Variants in ASTN2 observed in about 807,000 individuals in gnomAD.
ASTN2 encodes astrotactin-2.
Under a neutral mutation model 139.8 loss-of-function variants are expected in ASTN2, and 54 were observed. That is an observed-to-expected ratio of 0.39 (90% CI 0.31 to 0.48). The LOEUF is 0.48. Among genes scored for constraint, ASTN2 ranks in the 20% least tolerant of loss-of-function variants. The probability of loss-of-function intolerance (pLI) is 0.95; values close to 1 mark genes in which losing one functional copy is unlikely to be tolerated. For synonymous variants in ASTN2, 756 were observed against 719.5 expected (o/e 1.05, Z -0.81); for missense variants, 1,565 against 1,725.1 (o/e 0.91, Z 1.64).
At chr9:117,401,979 C>T (rs999439001) in intron 1 of ASTN2, among the ~76,000 whole-genome samples, 2 of 152,092 alleles carry the variant, frequency 1.3e-5, no homozygotes, top group African/African-American at 2.4e-5. Flanking sequence ...GCAGGAAGAC[C>T]GGTTAGGAGG....
chr9:116,483,709 G>A (rs1020101597), intron 20 of ASTN2, among the ~76,000 whole-genome samples: 7 of 152,216 alleles, frequency 4.6e-5, no homozygotes, highest in South Asian at 2.1e-4. Context: ...ACAGATGTGA[G>A]AGAGGTAGAA....
chr9:116,961,877 C>T (rs568953588), intron 10 of ASTN2, among the ~76,000 whole-genome samples: 8 of 152,332 alleles, frequency 5.3e-5, no homozygotes, highest in Non-Finnish European at 1.0e-4. Context: ...ATGACAACAA[C>T]GGTAGCCAAT....
Position 117,008,177 on chromosome 9 carries a change from C to G in ASTN2, c.1506G>C (p.Gln502His). The G allele has an allele frequency of 6.2e-7, 1 of 1,611,560 alleles. No homozygotes were observed. The highest frequency in any genetic ancestry group is 8.5e-7 in the Non-Finnish European group (1 of 1,178,886). Residue 502 changes from glutamine to histidine, a missense_variant, in exon 7 of 23, where the codon CAG (glutamine) becomes CAC (histidine). Around this residue, in one of 4 missense-constraint regions of ASTN2, gnomAD observed 503 missense variants for 591.7 expected, o/e 0.85. Coordinates refer to ENST00000313400, the MANE Select transcript of ASTN2 (RefSeq NM_001365068.1). ...LNPAKLSLYY[Q>H]INATSPWVRD... ...TCACCCATGGGGAGGTGGCATTGAT[C>G]TGGTAATACAGGGAAAGCTTGGCCG... is the stretch of plus-strand genomic sequence containing the variant.
At chr9:117,265,973 A>G (rs1588146002) in intron 2 of ASTN2, among the ~76,000 whole-genome samples, 1 of 152,314 alleles carries the variant, frequency 6.6e-6, no homozygotes, top group South Asian at 2.1e-4. Flanking sequence ...TTCAGGAACC[A>G]TCTAAAAGGC....
chr9:116,430,167 T>C (rs1245487118), intron 22 of ASTN2, among the ~76,000 whole-genome samples: 3 of 152,142 alleles, frequency 2.0e-5, no homozygotes, highest in Non-Finnish European at 4.4e-5. Context: ...CAAAATGAAG[T>C]TGGAAAAGAC....
At chr9:116,529,305 G>T (rs1435809182) in intron 19 of ASTN2, among the ~76,000 whole-genome samples, 1 of 152,122 alleles carries the variant, frequency 6.6e-6, no homozygotes, top group Non-Finnish European at 1.5e-5. Context: ...GGACCTTTAA[G>T]ATTTAATGAC....
intron 10 of ASTN2, among the ~76,000 whole-genome samples, chr9:116,969,908 C>T (rs1352260021): frequency 2.6e-5 from 4 of 152,166 alleles, no homozygotes; most frequent in Non-Finnish European, 4.4e-5. Context: ...CTTCAAACAA[C>T]CAGAAATCTG....
At chr9:117,090,641 G>A (rs1476979066) in intron 5 of ASTN2, among the ~76,000 whole-genome samples, 1 of 152,170 alleles carries the variant, frequency 6.6e-6, no homozygotes, top group Non-Finnish European at 1.5e-5. Context: ...GCATCTTTGG[G>A]TAAGACCCAG....
intron 2 of ASTN2, among the ~76,000 whole-genome samples, chr9:117,284,553 C>G (rs1306636111): frequency 6.6e-6 from 1 of 152,208 alleles, no homozygotes; most frequent in Non-Finnish European, 1.5e-5. Context: ...TTCCCTGGTG[C>G]CTTCAGAAGG....
intron 19 of ASTN2, among the ~76,000 whole-genome samples, chr9:116,558,294 T>C (rs1852735626): frequency 6.6e-6 from 1 of 151,842 alleles, no homozygotes; most frequent in Non-Finnish European, 1.5e-5. Flanking sequence ...TGACAGAATC[T>C]ACTCTAGACC....
At chr9:116,835,504 T>C (rs1831957396) in intron 11 of ASTN2, among the ~76,000 whole-genome samples, 1 of 152,168 alleles carries the variant, frequency 6.6e-6, no homozygotes, top group African/African-American at 2.4e-5. Flanking sequence ...AAACATTTGT[T>C]GTCTATAGTC....
chr9:116,569,336 A>T (rs1047683163), intron 19 of ASTN2, among the ~76,000 whole-genome samples: 13 of 152,250 alleles, frequency 8.5e-5, no homozygotes, highest in Admixed American at 3.3e-4. Flanking sequence ...ACATCTGATG[A>T]TGCAATATGT....
intron 20 of ASTN2, among the ~76,000 whole-genome samples, chr9:116,476,907 C>A: frequency 6.6e-6 from 1 of 152,198 alleles, no homozygotes; most frequent in East Asian, 1.9e-4. Flanking sequence ...TCCTGTCCCT[C>A]CTCCAGTGCC....
At chr9:116,879,344 GAGACAGACAGACAGACAGAC>G (rs55856269) in intron 10 of ASTN2, among the ~76,000 whole-genome samples, 2,064 of 149,784 alleles carry the variant, frequency 0.014, 19 homozygotes, top group Non-Finnish European at 0.018. Flanking sequence ...GAGAGAGACA[GAGACAGACAGACAGACAGAC>G]AGACAGACAG....
intron 10 of ASTN2, among the ~76,000 whole-genome samples, chr9:116,905,504 A>G (rs1834130771): frequency 6.6e-6 from 1 of 152,182 alleles, no homozygotes; most frequent in African/African-American, 2.4e-5. Context: ...CACAGGCAGG[A>G]AAGACCAGGT....
chr9:117,224,773 C>T (rs1459010772), intron 2 of ASTN2, among the ~76,000 whole-genome samples: 4 of 152,162 alleles, frequency 2.6e-5, no homozygotes, highest in African/African-American at 9.7e-5. Context: ...CTGAAATACC[C>T]TTCCCTCACT....
At chr9:117,233,199 G>C (rs1373672478) in intron 2 of ASTN2, among the ~76,000 whole-genome samples, 1 of 152,174 alleles carries the variant, frequency 6.6e-6, no homozygotes, top group Non-Finnish European at 1.5e-5. Context: ...GGCTGCAACT[G>C]GGAGGAGGCC....
intron 5 of ASTN2, among the ~76,000 whole-genome samples, chr9:117,063,386 T>C (rs1839350369): frequency 6.6e-6 from 1 of 152,170 alleles, no homozygotes; most frequent in African/African-American, 2.4e-5. Flanking sequence ...ACGGGGGTGA[T>C]TTCTCCCATG....
intron 10 of ASTN2, among the ~76,000 whole-genome samples, chr9:116,895,405 C>T (rs1277811352): frequency 2.0e-5 from 3 of 152,290 alleles, no homozygotes; most frequent in Non-Finnish European, 2.9e-5. Flanking sequence ...TAAGGGGATA[C>T]TCAACTTGTA....
Sources: allele counts gnomAD v4.1 joint callset (sites outside exome capture counted in the v4.1 genomes callset), GRCh38; gene constraint gnomAD v4.1.1; regional missense constraint gnomAD v4.1.1; transcripts MANE v1.5; gene names NCBI Gene and HGNC (gene_info 2026-07-23, HGNC 2026-07-21).